The following ADCY2 variants were observed in gnomAD, a reference collection of about 807,000 sequenced individuals.
ADCY2 encodes the protein adenylate cyclase 2.
Under a neutral mutation model 125.2 loss-of-function variants are expected in ADCY2, and 31 were observed. The ratio of observed to expected loss-of-function variants is 0.25; its 90% CI spans 0.19 to 0.33. The LOEUF (loss-of-function observed/expected upper bound fraction) is 0.33. ADCY2 is among the 10% of genes least tolerant of loss of function. ADCY2 has a pLI of 1.00. For synonymous variants in ADCY2, 512 were observed against 548.4 expected (o/e 0.93, Z 0.93); for missense variants, 904 against 1,418.2 (o/e 0.64, Z 5.82).
chr5:7,773,889 A>G (rs1268005328), intron 18 of ADCY2, among the ~76,000 whole-genome samples: 3 of 152,256 alleles, frequency 2.0e-5, no homozygotes, highest in African/African-American at 7.2e-5. Context: ...TGTTTTAATC[A>G]TTATGATACT....
At chr5:7,567,777 TCAA>T (rs1397518109) in intron 3 of ADCY2, among the ~76,000 whole-genome samples, 1 of 152,216 alleles carries the variant, frequency 6.6e-6, no homozygotes, top group East Asian at 1.9e-4. Context: ...CCGTATTTAT[TCAA>T]CACACATTTT....
At chr5:7,707,652 T>C in intron 8 of ADCY2, 54 bp from the exon 9 acceptor site, 2 of 1,592,248 alleles carry the variant, frequency 1.3e-6, no homozygotes, top group Non-Finnish European at 1.7e-6. Flanking sequence ...ATAGAAACCT[T>C]TCTTCACACT....
chr5:7,475,475 G>A (rs1742489341), intron 2 of ADCY2, among the ~76,000 whole-genome samples: 1 of 151,980 alleles, frequency 6.6e-6, no homozygotes, highest in Non-Finnish European at 1.5e-5. Context: ...TCCGTCCCCC[G>A]GGTTTGAGAG....
intron 2 of ADCY2, among the ~76,000 whole-genome samples, chr5:7,439,563 A>AG (rs1740932677): frequency 7.0e-6 from 1 of 143,248 alleles, no homozygotes; most frequent in Non-Finnish European, 1.5e-5. Flanking sequence ...CACACACACA[A>AG]AAGTATGTGT....
intron 1 of ADCY2, among the ~76,000 whole-genome samples, chr5:7,407,772 G>C (rs1342388468): frequency 6.6e-6 from 1 of 152,024 alleles, no homozygotes; most frequent in African/African-American, 2.4e-5. Context: ...GGGACCCCGT[G>C]AGTGTCCATC....
At chr5:7,430,721 A>G (rs1740567283) in intron 2 of ADCY2, among the ~76,000 whole-genome samples, 1 of 152,018 alleles carries the variant, frequency 6.6e-6, no homozygotes, top group Non-Finnish European at 1.5e-5. Flanking sequence ...GCAGATGCCA[A>G]AAAGGCTTTT....
intron 3 of ADCY2, among the ~76,000 whole-genome samples, chr5:7,551,722 T>A (rs1735348537): frequency 6.6e-6 from 1 of 152,114 alleles, no homozygotes; most frequent in Non-Finnish European, 1.5e-5. Context: ...CAATGGCAGA[T>A]TGTATTTTTG....
At chr5:7,712,459 T>A (rs1181390098) in intron 10 of ADCY2, among the ~76,000 whole-genome samples, 4 of 152,246 alleles carry the variant, frequency 2.6e-5, no homozygotes, top group Admixed American at 2.6e-4. Flanking sequence ...TATATTTTTG[T>A]TCTTTCTACA....
intron 20 of ADCY2, among the ~76,000 whole-genome samples, chr5:7,791,055 G>A (rs2126506699): frequency 6.6e-6 from 1 of 152,028 alleles, no homozygotes; most frequent in Admixed American, 6.5e-5. Flanking sequence ...TTTTTTTGGG[G>A]GGGTGTCTAT....
At chr5:7,672,973 C>G (rs1158379372) in intron 4 of ADCY2, among the ~76,000 whole-genome samples, 1 of 151,998 alleles carries the variant, frequency 6.6e-6, no homozygotes, top group Non-Finnish European at 1.5e-5. Flanking sequence ...CTGCCTCTTT[C>G]CTCTGAGGCT....
intron 3 of ADCY2, among the ~76,000 whole-genome samples, chr5:7,567,769 G>A (rs189525386): frequency 2.6e-5 from 4 of 152,164 alleles, no homozygotes; most frequent in East Asian, 1.9e-4. Context: ...CCTCATTTCC[G>A]TATTTATTCA....
At chr5:7,742,409 T>C (rs548057439) in intron 14 of ADCY2, among the ~76,000 whole-genome samples, 1 of 152,310 alleles carries the variant, frequency 6.6e-6, no homozygotes, top group Non-Finnish European at 1.5e-5. Flanking sequence ...AGTCTTATCA[T>C]CACTTGTAAA....
intron 20 of ADCY2, among the ~76,000 whole-genome samples, chr5:7,791,096 T>C (rs1744236842): frequency 1.3e-5 from 2 of 152,064 alleles, no homozygotes; most frequent in Admixed American, 6.6e-5. Flanking sequence ...ACAAGGAATT[T>C]TTTCCTGAGC....
chr5:7,405,997 C>T (rs951084313), intron 1 of ADCY2, among the ~76,000 whole-genome samples: 17 of 151,998 alleles, frequency 1.1e-4, no homozygotes, highest in Admixed American at 4.6e-4. Context: ...GTAGCTGGGA[C>T]GCAGGTGTGT....
intron 12 of ADCY2, among the ~76,000 whole-genome samples, chr5:7,724,181 T>G: frequency 6.9e-6 from 1 of 145,958 alleles, no homozygotes. Context: ...GTGAAACCAC[T>G]GTGTGATTTC....
At chr5:7,612,745 G>A (rs993688764) in intron 3 of ADCY2, among the ~76,000 whole-genome samples, 2 of 152,166 alleles carry the variant, frequency 1.3e-5, no homozygotes, top group African/African-American at 4.8e-5. Context: ...GGCCGGGCTT[G>A]GTGGCTCACG....
In ADCY2 at chr5:7,422,382, A is replaced by G. The variant is rs1015452907; in HGVS notation, c.408+7612A>G. Among the ~76,000 whole-genome samples, 16 of 152,114 alleles carry G rather than the reference A, an allele frequency of 1.1e-4. No homozygotes were observed. In the East Asian group the frequency reaches 2.9e-3, roughly 28 times the overall value. On this transcript the variant is annotated intron_variant, in intron 2 of 24. Transcript: ENST00000338316. ...GACAAGCACGGATCCACTTCATCTC[A>G]GCTGATAATTACTGACTTAGGACCC...
intron 3 of ADCY2, among the ~76,000 whole-genome samples, chr5:7,548,014 A>G (rs1735204040): frequency 6.6e-6 from 1 of 152,146 alleles, no homozygotes; most frequent in Non-Finnish European, 1.5e-5. Flanking sequence ...GGAACCCCAT[A>G]TTCTCCCTCT....
intron 15 of ADCY2, among the ~76,000 whole-genome samples, chr5:7,750,841 G>A (rs1742789659): frequency 6.6e-6 from 1 of 151,812 alleles, no homozygotes; most frequent in Non-Finnish European, 1.5e-5. Context: ...TTTTATTTTT[G>A]AGACTCAGCT....
Sources: allele counts gnomAD v4.1 joint callset (sites outside exome capture counted in the v4.1 genomes callset), GRCh38; gene constraint gnomAD v4.1.1; transcripts MANE v1.5; gene names NCBI Gene and HGNC (gene_info 2026-07-23, HGNC 2026-07-21).